Variants in MBD5 observed in about 807,000 individuals in gnomAD.
MBD5 encodes methyl-CpG binding domain protein 5.
MBD5 carries 13 observed loss-of-function variants against 117.3 expected under a neutral mutation model. The observed-to-expected ratio is 0.11, with a 90% CI of 0.07 to 0.18. MBD5 has a LOEUF of 0.18. Among genes scored for constraint, MBD5 ranks in the 10% least tolerant of loss-of-function variants. MBD5 has a pLI of 1.00. For synonymous variants in MBD5, 727 were observed against 766.4 expected (o/e 0.95, Z 0.85); for missense variants, 1,879 against 2,093.8 (o/e 0.90, Z 2.00).
chr2:148,202,403 G>A (rs768782369), intron 2 of MBD5, among the ~76,000 whole-genome samples: 5 of 152,080 alleles, frequency 3.3e-5, no homozygotes, highest in Non-Finnish European at 5.9e-5. Context: ...GACCTAGGCA[G>A]CAGAATGGAA....
chr2:148,477,651 A>G (rs1230818135), intron 8 of MBD5, among the ~76,000 whole-genome samples: 2 of 152,160 alleles, frequency 1.3e-5, no homozygotes, highest in Admixed American at 1.3e-4. Flanking sequence ...TACTATTTCA[A>G]TGGGATTGAA....
chr2:148,374,283 G>T (rs534283901), intron 4 of MBD5, among the ~76,000 whole-genome samples: 64 of 148,348 alleles, frequency 4.3e-4, no homozygotes, highest in Non-Finnish European at 7.0e-4. Flanking sequence ...ACACGAACAT[G>T]CATATGCCCA....
intron 1 of MBD5, among the ~76,000 whole-genome samples, chr2:148,066,363 T>A (rs960397830): frequency 6.6e-6 from 1 of 152,206 alleles, no homozygotes; most frequent in African/African-American, 2.4e-5. Flanking sequence ...TTTTACTAGG[T>A]AAATATTTTA....
intron 1 of MBD5, among the ~76,000 whole-genome samples, chr2:148,052,798 G>A (rs1338556561): frequency 6.6e-6 from 1 of 151,792 alleles, no homozygotes; most frequent in East Asian, 1.9e-4. Context: ...ATATATCGGT[G>A]TTTGTTTTCT....
intron 1 of MBD5, among the ~76,000 whole-genome samples, chr2:148,150,951 T>C (rs972482323): frequency 6.6e-6 from 1 of 151,778 alleles, no homozygotes; most frequent in African/African-American, 2.4e-5. Context: ...CCTGCCTGAT[T>C]GCCCTGGCCA....
intron 4 of MBD5, among the ~76,000 whole-genome samples, chr2:148,448,899 T>G (rs987229229): frequency 2.6e-5 from 4 of 152,074 alleles, no homozygotes; most frequent in Non-Finnish European, 5.9e-5. Flanking sequence ...GGTGTACTCT[T>G]AAATTGGTTA....
chr2:148,298,152 C>A (rs1211071794), intron 3 of MBD5, among the ~76,000 whole-genome samples: 2 of 152,188 alleles, frequency 1.3e-5, no homozygotes, highest in African/African-American at 4.8e-5. Flanking sequence ...TCTACCTCAC[C>A]TGGAGTAGAA....
chr2:148,460,498 C>A (rs1156950404), intron 5 of MBD5, among the ~76,000 whole-genome samples: 1 of 152,158 alleles, frequency 6.6e-6, no homozygotes, highest in African/African-American at 2.4e-5. Flanking sequence ...TAAATTACTA[C>A]TTGAACATGT....
intron 2 of MBD5, among the ~76,000 whole-genome samples, chr2:148,224,605 C>T (rs1383952250): frequency 1.4e-5 from 2 of 146,416 alleles, no homozygotes; most frequent in Non-Finnish European, 3.0e-5. Flanking sequence ...AGACAATCTG[C>T]TCACCTTGGC....
chr2:148,464,150 A>G (rs1169637308), intron 7 of MBD5, among the ~76,000 whole-genome samples: 1 of 152,194 alleles, frequency 6.6e-6, no homozygotes, highest in Non-Finnish European at 1.5e-5. Flanking sequence ...GGCAGAATAA[A>G]CACTAATTAG....
At chr2:148,334,927 T>C (rs989854251) in intron 3 of MBD5, among the ~76,000 whole-genome samples, 1 of 152,116 alleles carries the variant, frequency 6.6e-6, no homozygotes. Flanking sequence ...CTATATTTTA[T>C]ATTTAAATGC....
At position 148,489,513 on chromosome 2, in the gene MBD5, C is replaced by A. The variant is rs375158010; in HGVS notation, c.3881C>A (p.Pro1294Gln). 6.2e-7 allele frequency: 1 copy of A among 1,614,146 alleles called. No homozygotes were observed. Among genetic ancestry groups the A allele is most frequent in the South Asian group, 1.1e-5 (1 of 91,082 alleles). ...CAAGATACACCTTGTGAGTTGCAAC[C>A]GAGGATTGACCCATCTCTTGGTCAA... is the stretch of plus-strand genomic sequence containing the variant. ...PFQDTPCELQ[P>Q]RIDPSLGQQV... Residue 1294 changes from proline to glutamine, a missense_variant, in exon 11 of 14, where the codon CCG becomes CAG. By Grantham distance (76) the Pro-to-Gln change is moderately conservative. This residue lies in a region of MBD5 where 1,666 missense variants were observed against 1,792.2 expected (regional missense o/e 0.93). Transcript: ENST00000642680.
chr2:148,039,541 C>T (rs1361069015), intron 1 of MBD5, among the ~76,000 whole-genome samples: 1 of 152,022 alleles, frequency 6.6e-6, no homozygotes, highest in Admixed American at 6.6e-5. Flanking sequence ...ATCACTGTTG[C>T]TTGAATAGTA....
chr2:148,065,853 T>C (rs1273780326), intron 1 of MBD5, among the ~76,000 whole-genome samples: 1 of 152,170 alleles, frequency 6.6e-6, no homozygotes, highest in African/African-American at 2.4e-5. Flanking sequence ...AAAACAAAGC[T>C]AAAAAGATGA....
At chr2:148,042,141 C>G (rs12992231) in intron 1 of MBD5, among the ~76,000 whole-genome samples, 2 of 152,040 alleles carry the variant, frequency 1.3e-5, no homozygotes, top group Non-Finnish European at 2.9e-5. Flanking sequence ...TTGCAGATAC[C>G]TCATTAGCAT....
intron 2 of MBD5, among the ~76,000 whole-genome samples, chr2:148,223,885 A>G (rs1699752540): frequency 6.6e-6 from 1 of 151,960 alleles, no homozygotes; most frequent in Non-Finnish European, 1.5e-5. Context: ...TCTTAGTACT[A>G]CGTTTGCTAT....
chr2:148,110,867 T>G (rs1696489902), intron 1 of MBD5, among the ~76,000 whole-genome samples: 1 of 152,062 alleles, frequency 6.6e-6, no homozygotes, highest in African/African-American at 2.4e-5. Context: ...TTTATAAATT[T>G]ATGCTATTTT....
chr2:148,084,217 C>T (rs1695721316), intron 1 of MBD5, among the ~76,000 whole-genome samples: 1 of 152,156 alleles, frequency 6.6e-6, no homozygotes, highest in African/African-American at 2.4e-5. Context: ...CTTTTCCATG[C>T]TTCTGTTCTC....
intron 4 of MBD5, among the ~76,000 whole-genome samples, chr2:148,444,882 A>G (rs547830347): frequency 6.6e-6 from 1 of 151,010 alleles, no homozygotes; most frequent in African/African-American, 2.5e-5. Flanking sequence ...CCCAGTATCC[A>G]TCACAGTGCC....
Sources: allele counts gnomAD v4.1 joint callset (sites outside exome capture counted in the v4.1 genomes callset), GRCh38; gene constraint gnomAD v4.1.1; regional missense constraint gnomAD v4.1.1; transcripts MANE v1.5; gene names NCBI Gene and HGNC (gene_info 2026-07-23, HGNC 2026-07-21).